Variants in LPP observed in about 807,000 individuals in gnomAD.
LPP encodes LIM domain containing preferred translocation partner in lipoma.
LPP carries 38 observed loss-of-function variants against 60.4 expected under a neutral mutation model. The observed-to-expected ratio is 0.63, with a 90% CI of 0.49 to 0.83. The LOEUF is 0.83. Among genes scored for constraint, LPP ranks in the 40% least tolerant of loss-of-function variants. LPP has a pLI of 0.00. For synonymous variants in LPP, 328 were observed against 290.8 expected, an observed-to-expected ratio of 1.13 and a Z score of -1.30; for missense variants, 902 against 783.6, an observed-to-expected ratio of 1.15 and a Z score of -1.80.
intron 2 of LPP, among the ~76,000 whole-genome samples, chr3:188,336,495 A>G (rs998423256): frequency 6.6e-6 from 1 of 152,184 alleles, no homozygotes; most frequent in Non-Finnish European, 1.5e-5. Context: ...TTCAGTGGCA[A>G]CTTGGATCTC....
chr3:188,433,070 G>C (rs1023761769), intron 4 of LPP, among the ~76,000 whole-genome samples: 1 of 152,132 alleles, frequency 6.6e-6, no homozygotes, highest in African/African-American at 2.4e-5. Flanking sequence ...GGTTCTCTTA[G>C]AGCCTTATCT....
At chr3:188,381,619 T>A (rs1200656222) in intron 3 of LPP, among the ~76,000 whole-genome samples, 1 of 152,202 alleles carries the variant, frequency 6.6e-6, no homozygotes, top group Non-Finnish European at 1.5e-5. Flanking sequence ...CTGGATTGTG[T>A]CATTCATTGA....
At chr3:188,825,973 G>A (rs1281235278) in intron 9 of LPP, among the ~76,000 whole-genome samples, 1 of 152,072 alleles carries the variant, frequency 6.6e-6, no homozygotes, top group South Asian at 2.1e-4. Context: ...AGGATACCTG[G>A]TGACATAATC....
intron 1 of LPP, among the ~76,000 whole-genome samples, chr3:188,167,503 C>CAAAACAAAACAAAACAA (rs1720335738): frequency 6.8e-6 from 1 of 147,584 alleles, no homozygotes; most frequent in African/African-American, 2.5e-5. Context: ...TCCACCACCA[C>CAAAACAAAACAAAACAA]AAAACAAAAC....
chr3:188,363,322 T>C (rs868587307), intron 3 of LPP, among the ~76,000 whole-genome samples: 1 of 152,060 alleles, frequency 6.6e-6, no homozygotes, highest in African/African-American at 2.4e-5. Context: ...TAAGTCAAGG[T>C]AAAAACGACA....
intron 9 of LPP, among the ~76,000 whole-genome samples, chr3:188,822,718 A>G (rs1198013997): frequency 1.3e-5 from 2 of 152,170 alleles, no homozygotes; most frequent in Non-Finnish European, 2.9e-5. Flanking sequence ...TGCCTGGGAC[A>G]TAGTGGGCAT....
rs371164641 is a variant in LPP at position 188,809,356 on chromosome 3, A to G, written c.1410+49074A>G. Among the ~76,000 whole-genome samples the G allele has an allele frequency of 1.2e-4, 18 of 152,138 alleles. No homozygotes were observed. In the East Asian group the frequency reaches 2.5e-3, roughly 21 times the overall value. Reference sequence around the variant, plus strand: ...CCTGGCCAGCATATATTGTTTCTTGACTTTTTAATAATCGCCATTCTGACT... The same window carrying G: ...CCTGGCCAGCATATATTGTTTCTTGGCTTTTTAATAATCGCCATTCTGACT... On this transcript the variant is annotated intron_variant, in intron 9 of 11. Transcript: ENST00000617246.
intron 1 of LPP, among the ~76,000 whole-genome samples, chr3:188,160,801 A>G (rs1516375): frequency 0.5 from 75,400 of 152,100 alleles, 19,129 homozygotes; most frequent in East Asian, 0.68. Context: ...TCTTCCTTCT[A>G]TCATAGGAAA....
intron 8 of LPP, among the ~76,000 whole-genome samples, chr3:188,753,236 T>C (rs369792785): frequency 2.0e-5 from 3 of 152,318 alleles, no homozygotes; most frequent in African/African-American, 7.2e-5. Flanking sequence ...AAAATGTATG[T>C]GAAATGCTTA....
At chr3:188,637,742 G>A (rs1286110412) in intron 7 of LPP, among the ~76,000 whole-genome samples, 2 of 152,132 alleles carry the variant, frequency 1.3e-5, no homozygotes, top group Admixed American at 6.5e-5. Flanking sequence ...ACACCTCTAC[G>A]CAAATAAACT....
chr3:188,310,899 C>T (rs1753188489), intron 2 of LPP, among the ~76,000 whole-genome samples: 1 of 152,058 alleles, frequency 6.6e-6, no homozygotes, highest in Admixed American at 6.6e-5. Context: ...TGTTCCTTGC[C>T]AGAACTTGGG....
intron 2 of LPP, among the ~76,000 whole-genome samples, chr3:188,227,163 ATTTATTTTATT>A (rs1718087903): frequency 6.6e-6 from 1 of 151,292 alleles, no homozygotes; most frequent in South Asian, 2.1e-4. Context: ...ACTTTTATTT[ATTTATTTTATT>A]TTTATTTTTT....
intron 2 of LPP, 27 bp downstream of exon 2, chr3:188,225,554 A>T (rs927904678): frequency 7.2e-5 from 11 of 152,214 alleles, no homozygotes; most frequent in African/African-American, 2.7e-4. Flanking sequence ...AAAAGAACAC[A>T]TTTGCCTTTT....
intron 7 of LPP, among the ~76,000 whole-genome samples, chr3:188,611,286 C>T (rs1289422661): frequency 6.6e-6 from 1 of 152,156 alleles, no homozygotes; most frequent in Non-Finnish European, 1.5e-5. Flanking sequence ...AAACATGACT[C>T]AGTTTCTTAA....
intron 11 of LPP, among the ~76,000 whole-genome samples, 187 bp from the exon 12 acceptor site, chr3:188,874,164 T>G (rs1239659844): frequency 1.3e-5 from 2 of 152,112 alleles, no homozygotes; most frequent in East Asian, 3.9e-4. Context: ...CTAATTCAAT[T>G]ACATTCAAGA....
intron 9 of LPP, among the ~76,000 whole-genome samples, chr3:188,810,696 C>A (rs145759601): frequency 6.6e-6 from 1 of 152,028 alleles, no homozygotes; most frequent in Non-Finnish European, 1.5e-5. Flanking sequence ...GTATCTTCCA[C>A]GGATAAAAGG....
At chr3:188,753,902 A>T (rs1577353304) in intron 8 of LPP, among the ~76,000 whole-genome samples, 2 of 152,262 alleles carry the variant, frequency 1.3e-5, no homozygotes, top group African/African-American at 4.8e-5. Flanking sequence ...AGAATCAGAT[A>T]TACACAAGCA....
chr3:188,270,285 A>G (rs533080329), intron 2 of LPP, among the ~76,000 whole-genome samples: 4 of 152,008 alleles, frequency 2.6e-5, no homozygotes, highest in South Asian at 4.2e-4. Context: ...TCCCAAACAC[A>G]CAGACGTGTG....
intron 8 of LPP, chr3:188,711,066 A>G (rs1866537658): frequency 6.6e-6 from 1 of 152,238 alleles, no homozygotes; most frequent in African/African-American, 2.4e-5. Context: ...AGGTTCTCCC[A>G]TGCTCTTGGG....
Sources: gnomAD v4.1 joint callset for allele counts (sites outside exome capture counted in the v4.1 genomes callset) on GRCh38, gnomAD v4.1.1 for gene constraint, MANE v1.5 for transcripts, NCBI Gene and HGNC (gene_info 2026-07-23, HGNC 2026-07-21) for gene names.